The following FNDC3B variants were observed in gnomAD, a reference collection of about 807,000 sequenced individuals.
FNDC3B encodes the protein fibronectin type III domain containing 3B.
In FNDC3B, 12 loss-of-function variants were observed where a neutral mutation model predicts 151.5. That is an observed-to-expected ratio of 0.08 (90% confidence interval 0.05 to 0.13). The LOEUF (loss-of-function observed/expected upper bound fraction) is 0.13. Among genes scored for constraint, FNDC3B ranks in the 10% least tolerant of loss-of-function variants. FNDC3B has a pLI of 1.00. For missense variants in FNDC3B, 1,214 were observed against 1,505.3 expected, an observed-to-expected ratio of 0.81 and a Z score of 3.20; for synonymous variants, 528 against 549.0, an observed-to-expected ratio of 0.96 and a Z score of 0.54.
chr3:172,300,735 T>C (rs535185470), intron 9 of FNDC3B, among the ~76,000 whole-genome samples: 1 of 152,314 alleles, frequency 6.6e-6, no homozygotes, highest in Admixed American at 6.5e-5. Flanking sequence ...CACCAACTGT[T>C]ATTTGTTCTA....
intron 12 of FNDC3B, chr3:172,329,367 A>G: frequency 6.2e-6 from 2 of 321,576 alleles, no homozygotes; most frequent in East Asian, 1.0e-4. Flanking sequence ...TGGAGCTTTA[A>G]TTTTTTAGAT....
At chr3:172,159,311 G>A (rs1722656097) in intron 3 of FNDC3B, among the ~76,000 whole-genome samples, 1 of 152,124 alleles carries the variant, frequency 6.6e-6, no homozygotes, top group South Asian at 2.1e-4. Context: ...ATATTGGTGT[G>A]TGTCTGTTTC....
chr3:172,094,772 T>C (rs921026380), intron 1 of FNDC3B, among the ~76,000 whole-genome samples: 2 of 151,146 alleles, frequency 1.3e-5, no homozygotes, highest in Non-Finnish European at 2.9e-5. Context: ...TCCCCATCTC[T>C]TATGGGTGCT....
intron 1 of FNDC3B, among the ~76,000 whole-genome samples, chr3:172,077,344 T>A (rs1247120310): frequency 6.6e-6 from 1 of 152,132 alleles, no homozygotes; most frequent in Non-Finnish European, 1.5e-5. Flanking sequence ...ATTTCTAACA[T>A]GAGAAACTAA....
At chr3:172,146,810 T>A (rs190439605) in intron 3 of FNDC3B, among the ~76,000 whole-genome samples, 8 of 152,360 alleles carry the variant, frequency 5.3e-5, no homozygotes, top group Admixed American at 4.6e-4. Context: ...GCTTTGGTTA[T>A]AAGCTTCTAA....
In FNDC3B at chr3:172,341,186, G is replaced by C. The variant is rs1733299981; in HGVS notation, c.1926G>C (p.Leu642Phe). 6.2e-7 allele frequency: 1 copy of C among 1,614,208 alleles called. No individual in the cohort carries two copies. The highest frequency in any genetic ancestry group is 1.7e-5 in the Admixed American group (1 of 60,024). The change falls in exon 17 of 26, where the codon TTG becomes TTC. Residue 642 changes from leucine (L) to phenylalanine (F), a missense_variant. This residue lies in a region of FNDC3B where 380 missense variants were observed against 420.9 expected (regional missense o/e 0.90). Transcript: ENST00000415807. ...TCACCCACTTGAAACCAGGCACTTT[G>C]TACAAACTCCGAGCATGCTGCATCA... The part of the protein sequence containing the change: ...YTFTHLKPGT[L>F]YKLRACCIST...
chr3:172,130,146 C>G (rs1416767851), intron 2 of FNDC3B, among the ~76,000 whole-genome samples: 1 of 152,090 alleles, frequency 6.6e-6, no homozygotes, highest in Non-Finnish European at 1.5e-5. Context: ...CTGTCAGGAC[C>G]GGTCATTGGG....
rs140718978 is a variant in FNDC3B at position 172,393,926 on chromosome 3, G to A, written c.3304-3238G>A. 2.2e-3 allele frequency among the ~76,000 whole-genome samples: 338 copies of A among 151,610 alleles called. 1 individual carries two copies. Among genetic ancestry groups the A allele is most frequent in the African/African-American group, 7.8e-3 (322 of 41,340 alleles). ...GATGGAGACCATCCTGGCTAATAGG[G>A]TAAAACCCCTTCTCTACTAAAAATA... is the stretch of plus-strand genomic sequence containing the variant. On this transcript the variant is annotated intron_variant, in intron 25 of 25. Transcript: ENST00000415807.
chr3:172,375,605 C>T (rs1400194782), intron 23 of FNDC3B, among the ~76,000 whole-genome samples: 7 of 152,150 alleles, frequency 4.6e-5, no homozygotes, highest in Non-Finnish European at 8.8e-5. Context: ...TCTCCATGCC[C>T]CTCTCATAAT....
At chr3:172,354,941 G>T (rs534493564) in intron 22 of FNDC3B, among the ~76,000 whole-genome samples, 1 of 146,846 alleles carries the variant, frequency 6.8e-6, no homozygotes, top group Non-Finnish European at 1.5e-5. Flanking sequence ...TCTCTGTGTT[G>T]CCAGGACAGG....
In FNDC3B at chr3:172,346,307, G is replaced by A. The variant is rs754908116; in HGVS notation, c.2251-20G>A. ...TACACGCATATATACATACGTGTGT[G>A]TGCGTGTGTTTTCTTTCAGTATGGT... On this transcript the variant is annotated intron_variant, in intron 19 of 25. Transcript: ENST00000415807. The A allele has an allele frequency of 2.1e-5, 29 of 1,405,206 alleles. No homozygotes were observed. The highest frequency in any genetic ancestry group is 1.8e-4 in the Middle Eastern group (1 of 5,656). The allele number at this position is 1,405,206 out of a possible 1,614,324, so 87.0% of individuals were successfully genotyped here. A position where few individuals can be genotyped will look rare whatever the true frequency, so the allele number is the denominator to read the frequency against.
intron 3 of FNDC3B, among the ~76,000 whole-genome samples, chr3:172,174,926 C>A (rs1723480580): frequency 2.6e-5 from 1 of 38,732 alleles, no homozygotes; most frequent in African/African-American, 7.7e-5. Context: ...GAGACCTTCC[C>A]CCCGCCACCC....
intron 1 of FNDC3B, among the ~76,000 whole-genome samples, chr3:172,061,276 A>C (rs928659321): frequency 6.9e-5 from 10 of 144,458 alleles, no homozygotes; most frequent in African/African-American, 2.6e-4. Flanking sequence ...TCTGTCACCC[A>C]GGCTAGAGTG....
chr3:172,244,487 C>T (rs1359487465), intron 4 of FNDC3B, among the ~76,000 whole-genome samples: 1 of 151,928 alleles, frequency 6.6e-6, no homozygotes, highest in Non-Finnish European at 1.5e-5. Flanking sequence ...GAGACTTAGG[C>T]ATAATTTCCT....
chr3:172,136,487 G>T (rs559340888), intron 3 of FNDC3B, among the ~76,000 whole-genome samples: 42 of 152,244 alleles, frequency 2.8e-4, no homozygotes, highest in Non-Finnish European at 5.6e-4. Flanking sequence ...AGCTCCAGCT[G>T]TTGTTGATTG....
chr3:172,214,456 T>G (rs1310281469), intron 3 of FNDC3B, among the ~76,000 whole-genome samples: 7 of 152,196 alleles, frequency 4.6e-5, no homozygotes, highest in Admixed American at 4.6e-4. Flanking sequence ...GCTGGTCCCT[T>G]CCAGCCTGAC....
chr3:172,254,145 C>G (rs1287334835), intron 6 of FNDC3B, among the ~76,000 whole-genome samples: 2 of 152,108 alleles, frequency 1.3e-5, no homozygotes, highest in African/African-American at 4.8e-5. Flanking sequence ...AAGTTTGTGC[C>G]TGGTCCTGTG....
At chr3:172,262,211 A>G (rs569346546) in intron 6 of FNDC3B, among the ~76,000 whole-genome samples, 75 of 152,348 alleles carry the variant, frequency 4.9e-4, no homozygotes, top group Non-Finnish European at 9.7e-4. Flanking sequence ...TGGTTCCATT[A>G]TTGTATATTC....
chr3:172,160,520 C>G (rs1376448544), intron 3 of FNDC3B, among the ~76,000 whole-genome samples: 1 of 152,258 alleles, frequency 6.6e-6, no homozygotes, highest in Non-Finnish European at 1.5e-5. Context: ...GGCATGAATA[C>G]TGCTTTCCGA....
Sources: gnomAD v4.1 joint callset for allele counts (sites outside exome capture counted in the v4.1 genomes callset) on GRCh38, gnomAD v4.1.1 for gene constraint, gnomAD v4.1.1 regional missense constraint, MANE v1.5 for transcripts, NCBI Gene and HGNC (gene_info 2026-07-23, HGNC 2026-07-21) for gene names.